Variants in DAB1 observed in about 807,000 individuals in gnomAD.
DAB1 encodes DAB adaptor protein 1, also known as disabled homolog 1.
DAB1 carries 15 observed loss-of-function variants against 64.6 expected under a neutral mutation model. The observed-to-expected ratio is 0.23, with a 90% confidence interval of 0.16 to 0.36. The LOEUF (loss-of-function observed/expected upper bound fraction) is 0.36. Among genes scored for constraint, DAB1 ranks in the 10% least tolerant of loss-of-function variants. The pLI is 1.00. For missense variants in DAB1, 596 were observed against 706.7 expected (o/e 0.84, Z 1.78); for synonymous variants, 235 against 251.9 (o/e 0.93, Z 0.64).
At chr1:58,442,816 T>C (rs1645026861) in intron 3 of DAB1, among the ~76,000 whole-genome samples, 1 of 151,984 alleles carries the variant, frequency 6.6e-6, no homozygotes, top group Non-Finnish European at 1.5e-5. Flanking sequence ...GCCCAGGAGG[T>C]TGAGGCTGCA....
At chr1:57,358,301 TA>T (rs1315377178) in intron 1 of DAB1, among the ~76,000 whole-genome samples, 10 of 152,160 alleles carry the variant, frequency 6.6e-5, no homozygotes, top group African/African-American at 2.4e-4. Flanking sequence ...ATATGGCCTT[TA>T]TTGTGTTGAG....
intron 3 of DAB1, among the ~76,000 whole-genome samples, chr1:58,471,696 C>T (rs542908008): frequency 7.9e-5 from 12 of 152,230 alleles, no homozygotes; most frequent in South Asian, 2.1e-4. Context: ...GTGCTGTTCT[C>T]GTGATAGTGA....
chr1:58,148,782 C>G (rs748593422), intron 5 of DAB1, among the ~76,000 whole-genome samples: 7 of 152,012 alleles, frequency 4.6e-5, no homozygotes, highest in Admixed American at 1.3e-4. Flanking sequence ...CACACCCCCC[C>G]CCCAACCTCA....
rs777605865 is a variant in DAB1 at position 57,033,449 on chromosome 1, A to G, written c.724-7406T>C. On this transcript the variant is annotated intron_variant, in intron 9 of 14. Transcript: ENST00000371236. Reference sequence around the variant, plus strand: ...GGTTTCTGTTCTGTAACCACAAGGCATGACTGATGAGCATGAAATGAATGA... The same window carrying G: ...GGTTTCTGTTCTGTAACCACAAGGCGTGACTGATGAGCATGAAATGAATGA... 3.1e-6 allele frequency: 5 copies of G among 1,612,786 alleles called. No homozygotes were observed. In the East Asian group the frequency reaches 6.7e-5, roughly 22 times the overall value.
intron 1 of DAB1, among the ~76,000 whole-genome samples, chr1:57,373,373 C>T (rs1680648831): frequency 6.6e-6 from 1 of 151,102 alleles, no homozygotes; most frequent in African/African-American, 2.4e-5. Context: ...GTTCAGTTAA[C>T]AGCAAATAAA....
At chr1:57,682,854 T>C (rs1411602962) in intron 6 of DAB1, among the ~76,000 whole-genome samples, 1 of 152,162 alleles carries the variant, frequency 6.6e-6, no homozygotes, top group Non-Finnish European at 1.5e-5. Flanking sequence ...AGAACAGGGA[T>C]AGCTTTCCTG....
intron 5 of DAB1, among the ~76,000 whole-genome samples, chr1:57,912,182 A>G (rs1264019702): frequency 6.6e-6 from 1 of 152,200 alleles, no homozygotes; most frequent in East Asian, 1.9e-4. Context: ...GTACTCACAG[A>G]GGCTTTCTGA....
chr1:58,194,031 T>G (rs1019815287), intron 4 of DAB1, among the ~76,000 whole-genome samples: 4 of 152,238 alleles, frequency 2.6e-5, no homozygotes, highest in Admixed American at 1.3e-4. Flanking sequence ...AAGAATTTGC[T>G]GCTGCAGCAG....
intron 3 of DAB1, among the ~76,000 whole-genome samples, chr1:58,416,497 C>T (rs1644722642): frequency 6.6e-6 from 1 of 152,174 alleles, no homozygotes; most frequent in Non-Finnish European, 1.5e-5. Context: ...CTGTCCAATA[C>T]AGTAGCCATT....
At chr1:57,843,748 C>T (rs574429156) in intron 1 of DAB1, among the ~76,000 whole-genome samples, 4 of 152,258 alleles carry the variant, frequency 2.6e-5, no homozygotes, top group South Asian at 2.1e-4. Context: ...CTAGGAGCTT[C>T]CCCTATGTAC....
rs1645575233 is a variant in DAB1 at position 56,995,231 on chromosome 1, T to G, written c.*2913A>C. 2.6e-5 allele frequency: 4 copies of G among 152,168 alleles called. No individual in the cohort carries two copies. The highest frequency in any genetic ancestry group is 2.6e-4 in the Admixed American group (4 of 15,276). The allele number at this position is 152,168 out of a possible 1,614,324, so 9.4% of individuals were successfully genotyped here. ...TTTAAAGTGACAAATTTAGTGCTAG[T>G]GGAGGATGAGGAATTAACAGTTGTA... is the stretch of plus-strand genomic sequence containing the variant. On this transcript the variant is annotated 3_prime_UTR_variant, in exon 15 of 15. Coordinates refer to ENST00000371236, the MANE Select transcript of DAB1 (RefSeq NM_001365792.1).
chr1:57,703,518 TAAAA>T (rs1646931771), intron 6 of DAB1, among the ~76,000 whole-genome samples: 1 of 151,956 alleles, frequency 6.6e-6, no homozygotes, highest in Non-Finnish European at 1.5e-5. Context: ...TGGCTATTAT[TAAAA>T]AATAAAAAAT....
intron 1 of DAB1, among the ~76,000 whole-genome samples, chr1:57,408,313 TAC>T (rs1364612324): frequency 2.0e-5 from 3 of 152,140 alleles, no homozygotes; most frequent in African/African-American, 7.2e-5. Context: ...CAGCATATAC[TAC>T]ACCACATTTA....
At chr1:58,436,109 T>TTC in intron 3 of DAB1, among the ~76,000 whole-genome samples, 1 of 152,184 alleles carries the variant, frequency 6.6e-6, no homozygotes, top group South Asian at 2.1e-4. Context: ...CTGGCCAAGA[T>TTC]TTGAAGCCAG....
upstream of DAB1, among the ~76,000 whole-genome samples, chr1:57,426,330 A>G (rs1558366314): frequency 6.6e-6 from 1 of 152,240 alleles, no homozygotes; most frequent in Non-Finnish European, 1.5e-5. Context: ...AATTTCCCTG[A>G]AATTCAACAG....
chr1:57,746,979 A>G (rs1648305653), intron 6 of DAB1, among the ~76,000 whole-genome samples: 1 of 152,138 alleles, frequency 6.6e-6, no homozygotes, highest in Admixed American at 6.5e-5. Flanking sequence ...CATAACCAAC[A>G]TCTCTTATTA....
chr1:57,204,302 A>T (rs1292613139), intron 2 of DAB1, among the ~76,000 whole-genome samples: 1 of 152,102 alleles, frequency 6.6e-6, no homozygotes, highest in Non-Finnish European at 1.5e-5. Context: ...CAAATCTAAA[A>T]AAAGCACAGT....
At chr1:57,165,313 G>T (rs936055477) in intron 2 of DAB1, among the ~76,000 whole-genome samples, 28 of 151,782 alleles carry the variant, frequency 1.8e-4, no homozygotes, top group Middle Eastern at 6.8e-3. Context: ...TTTCAAAAAA[G>T]TACCTCCCTT....
At chr1:57,468,987 C>T (rs1302792541) in intron 7 of DAB1, among the ~76,000 whole-genome samples, 2 of 152,182 alleles carry the variant, frequency 1.3e-5, no homozygotes, top group African/African-American at 2.4e-5. Context: ...CTTATTCACT[C>T]TGTTAGAGGA....
Sources: gnomAD v4.1 joint callset for allele counts (sites outside exome capture counted in the v4.1 genomes callset) on GRCh38, gnomAD v4.1.1 for gene constraint, MANE v1.5 for transcripts, NCBI Gene and HGNC (gene_info 2026-07-23, HGNC 2026-07-21) for gene names.